Variants in CNNM2 observed in about 807,000 individuals in gnomAD.
CNNM2 encodes the protein metal transporter CNNM2.
Under a neutral mutation model 66.9 loss-of-function variants are expected in CNNM2, and 12 were observed. The ratio of observed to expected loss-of-function variants is 0.18; its 90% CI spans 0.11 to 0.29. The LOEUF is 0.29. Ranked by LOEUF, CNNM2 falls within the 10% of genes least tolerant of loss-of-function variation. The probability of loss-of-function intolerance (pLI) is 1.00; values close to 1 mark genes in which losing one functional copy is unlikely to be tolerated. For synonymous variants in CNNM2, 557 were observed against 501.8 expected, an observed-to-expected ratio of 1.11 and a Z score of -1.47; for missense variants, 705 against 1,167.7, an observed-to-expected ratio of 0.60 and a Z score of 5.77.
intron 1 of CNNM2, among the ~76,000 whole-genome samples, chr10:102,970,389 A>G (rs1304986772): frequency 6.6e-6 from 1 of 152,224 alleles, no homozygotes; most frequent in Non-Finnish European, 1.5e-5. Flanking sequence ...ATTGGAATAC[A>G]GCCATGCCTA....
intron 1 of CNNM2, among the ~76,000 whole-genome samples, chr10:102,982,848 T>C (rs2134232252): frequency 6.6e-6 from 1 of 152,332 alleles, no homozygotes; most frequent in South Asian, 2.1e-4. Flanking sequence ...TTGTCATTGG[T>C]GCTGCATTCA....
intron 1 of CNNM2, among the ~76,000 whole-genome samples, chr10:102,980,442 G>A (rs536567575): frequency 2.0e-4 from 30 of 150,592 alleles, no homozygotes; most frequent in Non-Finnish European, 4.0e-4. Context: ...GCTAATTTTT[G>A]TATCTTTTGT....
chr10:102,982,707 A>C (rs996187220), intron 1 of CNNM2, among the ~76,000 whole-genome samples: 1 of 152,228 alleles, frequency 6.6e-6, no homozygotes, highest in African/African-American at 2.4e-5. Context: ...GCAACTGGAA[A>C]CAAGACTGTT....
chr10:102,940,343 G>T (rs984549867), intron 1 of CNNM2, among the ~76,000 whole-genome samples: 2 of 152,134 alleles, frequency 1.3e-5, no homozygotes, highest in African/African-American at 4.8e-5. Context: ...CACTGCTACA[G>T]TGCCAGCCCT....
chr10:103,012,314 A>G (rs2064358510), intron 1 of CNNM2, among the ~76,000 whole-genome samples: 2 of 152,170 alleles, frequency 1.3e-5, no homozygotes. Flanking sequence ...GAGAGATTTT[A>G]TGTAATTTCC....
chr10:103,005,058 A>G (rs969154166), intron 1 of CNNM2, among the ~76,000 whole-genome samples: 1 of 151,756 alleles, frequency 6.6e-6, no homozygotes, highest in Non-Finnish European at 1.5e-5. Context: ...GATTATGGGC[A>G]TGCGCCACCA....
intron 1 of CNNM2, among the ~76,000 whole-genome samples, chr10:102,935,991 T>G (rs555205404): frequency 4.0e-5 from 6 of 151,848 alleles, no homozygotes; most frequent in South Asian, 2.1e-4. Context: ...TGGTGTTTTT[T>G]TTTGTTTGTT....
intron 1 of CNNM2, among the ~76,000 whole-genome samples, chr10:103,037,343 C>T (rs2064960196): frequency 6.6e-6 from 1 of 151,274 alleles, no homozygotes; most frequent in African/African-American, 2.4e-5. Flanking sequence ...GCTAGACTCA[C>T]TTTTGGGCTC....
intron 1 of CNNM2, among the ~76,000 whole-genome samples, chr10:102,921,807 A>G (rs994327033): frequency 6.6e-6 from 1 of 152,210 alleles, no homozygotes; most frequent in Admixed American, 6.5e-5. Flanking sequence ...ACATTTACTC[A>G]TGAATTGATA....
At chr10:102,939,934 C>T (rs761414599) in intron 1 of CNNM2, among the ~76,000 whole-genome samples, 3 of 151,960 alleles carry the variant, frequency 2.0e-5, no homozygotes, top group Admixed American at 1.3e-4. Context: ...CGCCACTGCA[C>T]TCCAGCCTGG....
At chr10:103,014,889 C>CT (rs2064412095) in intron 1 of CNNM2, among the ~76,000 whole-genome samples, 1 of 147,062 alleles carries the variant, frequency 6.8e-6, no homozygotes, top group African/African-American at 2.5e-5. Context: ...ACTACCCTGT[C>CT]TTTAAAAAAA....
intron 4 of CNNM2, among the ~76,000 whole-genome samples, chr10:103,058,235 T>C (rs1311294673): frequency 6.6e-6 from 1 of 152,214 alleles, no homozygotes; most frequent in Non-Finnish European, 1.5e-5. Flanking sequence ...TTTTTTTCTT[T>C]CCTCTTTGGA....
At chr10:103,071,716 A>G in intron 5 of CNNM2, 58 bp from the exon 6 acceptor site, 1 of 1,325,486 alleles carries the variant, frequency 7.5e-7, no homozygotes, top group African/African-American at 1.4e-5. Flanking sequence ...CCTTGATTAC[A>G]GAGATCTCTG....
Position 103,088,674 on chromosome 10 carries a change from G to A in CNNM2, c.*11494G>A, listed in dbSNP as rs1172148581. On this transcript the variant is annotated 3_prime_UTR_variant, in exon 8 of 8. Transcript: ENST00000369878. Reference sequence around the variant, plus strand: ...AGTGCTGGGATTACAGGCGTGAGCCGCCGTGCCTGGCCTTGACTTGAGATT... The same window carrying A: ...AGTGCTGGGATTACAGGCGTGAGCCACCGTGCCTGGCCTTGACTTGAGATT... 4.0e-5 allele frequency: 7 copies of A among 173,880 alleles called. No homozygotes were observed. The highest frequency in any genetic ancestry group is 7.1e-5 in the African/African-American group (3 of 42,120). The allele number at this position is 173,880 out of a possible 1,614,324, so 10.8% of individuals were successfully genotyped here. A position where few individuals can be genotyped will look rare whatever the true frequency, so the allele number is the denominator to read the frequency against.
intron 1 of CNNM2, among the ~76,000 whole-genome samples, chr10:103,009,446 C>T (rs186166889): frequency 1.1e-4 from 16 of 152,104 alleles, no homozygotes; most frequent in African/African-American, 3.6e-4. Context: ...AGTCACAGCA[C>T]TTTGGGAAGC....
chr10:102,948,179 A>G lies in CNNM2; in HGVS notation c.1621+28078A>G, dbSNP rs568210854. ...ACATACATTGTATGTCTTTTGGTGA[A>G]CAAGATTGTTGTTGTCTTCCTGGTG... On this transcript the variant is annotated intron_variant, in intron 1 of 7. Coordinates refer to ENST00000369878, the MANE Select transcript of CNNM2 (RefSeq NM_017649.5). Among the ~76,000 whole-genome samples the G allele has an allele frequency of 4.6e-5, 7 of 152,338 alleles. 1 individual carries two copies. Among genetic ancestry groups the G allele is most frequent in the African/African-American group, 1.7e-4 (7 of 41,568 alleles).
At chr10:102,934,932 G>C (rs1327026729) in intron 1 of CNNM2, among the ~76,000 whole-genome samples, 4 of 151,742 alleles carry the variant, frequency 2.6e-5, no homozygotes, top group African/African-American at 9.7e-5. Flanking sequence ...GCTGAGGAGG[G>C]CCAATCACCT....
chr10:102,961,434 A>G (rs1017472162), intron 1 of CNNM2, among the ~76,000 whole-genome samples: 1 of 152,146 alleles, frequency 6.6e-6, no homozygotes, highest in Non-Finnish European at 1.5e-5. Flanking sequence ...AATTTACTCT[A>G]TTTTTGGCAA....
At chr10:103,008,610 C>G (rs1478880753) in intron 1 of CNNM2, among the ~76,000 whole-genome samples, 2 of 151,886 alleles carry the variant, frequency 1.3e-5, no homozygotes, top group East Asian at 3.9e-4. Flanking sequence ...AAAACTGTAT[C>G]TCTACCAAAA....
Sources: allele counts gnomAD v4.1 joint callset (sites outside exome capture counted in the v4.1 genomes callset), GRCh38; gene constraint gnomAD v4.1.1; transcripts MANE v1.5; gene names NCBI Gene and HGNC (gene_info 2026-07-23, HGNC 2026-07-21).